The following LIMS1 variants were observed in gnomAD, a reference collection of about 807,000 sequenced individuals.
LIMS1 encodes LIM zinc finger domain containing 1, also known as LIM and senescent cell antigen-like-containing domain protein 1.
A neutral mutation model predicts 44.1 loss-of-function variants in LIMS1; 18 were observed. The observed-to-expected ratio is 0.41, with a 90% CI of 0.28 to 0.61. The LOEUF (loss-of-function observed/expected upper bound fraction) is 0.61, where lower values mean the gene tolerates loss of function less well. Among genes scored for constraint, LIMS1 ranks in the 20% least tolerant of loss-of-function variants. The pLI, the probability that LIMS1 is intolerant of heterozygous loss-of-function variation, is 0.32. For missense variants in LIMS1, 201 were observed against 422.0 expected (o/e 0.48, Z 4.59); for synonymous variants, 93 against 149.1 (o/e 0.62, Z 2.74).
At chr2:108,568,492 G>C (rs772928738) in intron 1 of LIMS1, among the ~76,000 whole-genome samples, 1 of 152,114 alleles carries the variant, frequency 6.6e-6, no homozygotes, top group South Asian at 2.1e-4. Flanking sequence ...TATGAACATG[G>C]GTTACAAATA....
intron 1 of LIMS1, among the ~76,000 whole-genome samples, chr2:108,576,040 G>T (rs1330573202): frequency 6.6e-6 from 1 of 152,220 alleles, no homozygotes; most frequent in African/African-American, 2.4e-5. Flanking sequence ...GTCAGTGTTA[G>T]TCTGGAAGTA....
At chr2:108,576,766 A>C (rs1355119315) in intron 1 of LIMS1, among the ~76,000 whole-genome samples, 2 of 152,152 alleles carry the variant, frequency 1.3e-5, no homozygotes, top group Non-Finnish European at 2.9e-5. Flanking sequence ...GCTAAGGGAC[A>C]AAGTTCCCAG....
chr2:108,602,633 C>T (rs1687075260), intron 1 of LIMS1, among the ~76,000 whole-genome samples: 1 of 152,158 alleles, frequency 6.6e-6, no homozygotes, highest in South Asian at 2.1e-4. Context: ...ATGTGTTGAA[C>T]CATCCTTGCA....
intron 1 of LIMS1, among the ~76,000 whole-genome samples, chr2:108,586,653 A>G (rs534247225): frequency 6.6e-6 from 1 of 152,320 alleles, no homozygotes; most frequent in South Asian, 2.1e-4. Context: ...CAGTCTGCCC[A>G]GGATGTTCTG....
intron 1 of LIMS1, among the ~76,000 whole-genome samples, chr2:108,564,440 C>A (rs1222003757): frequency 6.6e-6 from 1 of 152,060 alleles, no homozygotes; most frequent in Non-Finnish European, 1.5e-5. Context: ...CTTAGTAGCT[C>A]CGAGGTATGC....
At chr2:108,578,885 C>T (rs934143195) in intron 1 of LIMS1, among the ~76,000 whole-genome samples, 1 of 152,108 alleles carries the variant, frequency 6.6e-6, no homozygotes, top group African/African-American at 2.4e-5. Flanking sequence ...TGAGCCATTG[C>T]TCCTGGTCAT....
At chr2:108,648,392 T>A (rs1166468198) in intron 1 of LIMS1, among the ~76,000 whole-genome samples, 3 of 152,188 alleles carry the variant, frequency 2.0e-5, no homozygotes, top group Non-Finnish European at 4.4e-5. Flanking sequence ...CCCAAAGTAA[T>A]TTATAGATTC....
At chr2:108,637,099 ATGTGTGTGTGTGTGTGTGTG>A (rs74315160) in intron 1 of LIMS1, among the ~76,000 whole-genome samples, 4 of 98,606 alleles carry the variant, frequency 4.1e-5, no homozygotes, top group African/African-American at 6.5e-5. Flanking sequence ...ATATACATAT[ATGTGTGTGTGTGTGTGTGTG>A]TGTGTGTGTG....
chr2:108,625,551 C>G (rs901696384), intron 1 of LIMS1, among the ~76,000 whole-genome samples: 2 of 151,932 alleles, frequency 1.3e-5, no homozygotes, highest in Non-Finnish European at 1.5e-5. Context: ...ATCAGGGCTA[C>G]GTCAGCCATT....
At chr2:108,550,966 A>C (rs1684669880) in intron 1 of LIMS1, among the ~76,000 whole-genome samples, 1 of 152,046 alleles carries the variant, frequency 6.6e-6, no homozygotes, top group African/African-American at 2.4e-5. Flanking sequence ...ACAAAAAAAA[A>C]ATTGTTTTCT....
chr2:108,639,187 G>C (rs1377021459), intron 1 of LIMS1, among the ~76,000 whole-genome samples: 1 of 152,174 alleles, frequency 6.6e-6, no homozygotes, highest in Non-Finnish European at 1.5e-5. Flanking sequence ...TATGGCTGCT[G>C]AACAGAAGAT....
chr2:108,612,928 C>T (rs749200156), intron 1 of LIMS1, among the ~76,000 whole-genome samples: 1 of 152,114 alleles, frequency 6.6e-6, no homozygotes, highest in Non-Finnish European at 1.5e-5. Flanking sequence ...TCAGACTTGA[C>T]CTTGTGATGG....
chr2:108,602,712 G>A (rs1306629652), intron 1 of LIMS1, among the ~76,000 whole-genome samples: 1 of 152,104 alleles, frequency 6.6e-6, no homozygotes, highest in Non-Finnish European at 1.5e-5. Flanking sequence ...GTAGTATTTT[G>A]TTGAAGAATT....
chr2:108,584,568 G>T (rs1011680688), intron 1 of LIMS1, among the ~76,000 whole-genome samples: 5 of 152,042 alleles, frequency 3.3e-5, no homozygotes, highest in Non-Finnish European at 5.9e-5. Context: ...CCTCCACAAG[G>T]TTAGAAACAG....
At chr2:108,623,988 G>T (rs1688416248) in intron 1 of LIMS1, among the ~76,000 whole-genome samples, 1 of 152,228 alleles carries the variant, frequency 6.6e-6, no homozygotes, top group Non-Finnish European at 1.5e-5. Flanking sequence ...CAGGTAAAAG[G>T]TGGCATGACA....
intron 1 of LIMS1, among the ~76,000 whole-genome samples, chr2:108,611,649 G>C (rs1445033004): frequency 1.3e-5 from 2 of 151,978 alleles, no homozygotes; most frequent in Non-Finnish European, 2.9e-5. Context: ...GGAGGCCGGG[G>C]CGTGGGGATC....
intron 1 of LIMS1, among the ~76,000 whole-genome samples, chr2:108,640,802 T>C (rs989623679): frequency 3.3e-5 from 5 of 152,336 alleles, no homozygotes; most frequent in Non-Finnish European, 5.9e-5. Context: ...ACTTTCACAA[T>C]CCTCTTCTAG....
At chr2:108,619,321 G>T (rs926659786) in intron 1 of LIMS1, among the ~76,000 whole-genome samples, 31 of 151,414 alleles carry the variant, frequency 2.0e-4, no homozygotes, top group Non-Finnish European at 2.9e-4. Context: ...CTGTGTTGAT[G>T]GTGGGGGAAA....
At chr2:108,635,863 A>G (rs1320063863) in intron 1 of LIMS1, among the ~76,000 whole-genome samples, 1 of 152,202 alleles carries the variant, frequency 6.6e-6, no homozygotes, top group East Asian at 1.9e-4. Flanking sequence ...TGTAAATACA[A>G]TTGTTTAAAT....
Sources: gnomAD v4.1 joint callset for allele counts (sites outside exome capture counted in the v4.1 genomes callset) on GRCh38, gnomAD v4.1.1 for gene constraint, MANE v1.5 for transcripts, NCBI Gene and HGNC (gene_info 2026-07-23, HGNC 2026-07-21) for gene names.